DGKG: variants seen among roughly 807,000 people sequenced by gnomAD.
DGKG encodes the protein DAG kinase gamma.
In DGKG, 78 loss-of-function variants were observed where a neutral mutation model predicts 105.3. That is an observed-to-expected ratio of 0.74 (90% CI 0.62 to 0.89). The LOEUF is 0.89. Among genes scored for constraint, DGKG ranks in the 40% least tolerant of loss-of-function variants. The probability of loss-of-function intolerance (pLI) is 0.00; values close to 1 mark genes in which losing one functional copy is unlikely to be tolerated. For missense variants in DGKG, 958 were observed against 1,020.1 expected, an observed-to-expected ratio of 0.94 and a Z score of 0.83; for synonymous variants, 346 against 367.1, an observed-to-expected ratio of 0.94 and a Z score of 0.66.
intron 3 of DGKG, 110 bp from the exon 4 acceptor site, chr3:186,298,339 G>C: frequency 4.6e-5 from 48 of 1,036,140 alleles, no homozygotes; most frequent in Middle Eastern, 2.2e-4. Flanking sequence ...GGAAAGGGAG[G>C]CAGTAGGACA....
intron 19 of DGKG, among the ~76,000 whole-genome samples, chr3:186,244,969 A>C (rs868175320): frequency 1.3e-5 from 2 of 152,148 alleles, no homozygotes; most frequent in Non-Finnish European, 2.9e-5. Flanking sequence ...AAAATATTCC[A>C]TCTACTTCTA....
At chr3:186,324,192 A>T (rs888581758) in intron 1 of DGKG, among the ~76,000 whole-genome samples, 1 of 151,942 alleles carries the variant, frequency 6.6e-6, no homozygotes, top group African/African-American at 2.4e-5. Context: ...AAGAGGACGC[A>T]TAGGCACACT....
At chr3:186,211,940 A>G (rs1253116102) in intron 20 of DGKG, 55 bp from the exon 21 acceptor site, 1 of 1,412,450 alleles carries the variant, frequency 7.1e-7, no homozygotes, top group Non-Finnish European at 1.0e-6. Flanking sequence ...ATGCTCATGT[A>G]AAATAGCTAT....
At chr3:186,166,678 G>T (rs918468723) in intron 22 of DGKG, among the ~76,000 whole-genome samples, 2 of 151,942 alleles carry the variant, frequency 1.3e-5, no homozygotes, top group Non-Finnish European at 2.9e-5. Flanking sequence ...AGAAGGAGGA[G>T]GGAGAGGAAA....
intron 19 of DGKG, among the ~76,000 whole-genome samples, chr3:186,247,042 A>C (rs981982625): frequency 1.3e-5 from 2 of 152,216 alleles, no homozygotes; most frequent in Non-Finnish European, 2.9e-5. Flanking sequence ...ATTTTCTGCT[A>C]ATCTAAAAAT....
intron 21 of DGKG, among the ~76,000 whole-genome samples, chr3:186,202,297 C>T (rs1034411099): frequency 6.6e-6 from 1 of 152,198 alleles, no homozygotes; most frequent in African/African-American, 2.4e-5. Context: ...TTTAAAGATT[C>T]AGTTCTTCTA....
chr3:186,171,149 C>G (rs370942111), intron 22 of DGKG, among the ~76,000 whole-genome samples: 1 of 152,324 alleles, frequency 6.6e-6, no homozygotes. Context: ...CAACAACTGT[C>G]TCTGTACATA....
chr3:186,347,198 T>C (rs1367372412), intron 1 of DGKG, among the ~76,000 whole-genome samples: 1 of 151,902 alleles, frequency 6.6e-6, no homozygotes, highest in Non-Finnish European at 1.5e-5. Flanking sequence ...CCCGTAATCC[T>C]AGCACTTTGG....
rs10529645 is a variant in DGKG at position 186,250,557 on chromosome 3, C to CTT, written c.1761+1200_1761+1201dup. ...CAAATAGTTCAATAATTCTGTCATT[C>CTT]TTTTTTTTTTGAGACAGAGTCTCGC... On this transcript the variant is annotated intron_variant, in intron 19 of 24. Coordinates refer to ENST00000265022, the MANE Select transcript of DGKG (RefSeq NM_001346.3). Among the ~76,000 whole-genome samples, 135 of 116,150 alleles carry CTT rather than the reference C, an allele frequency of 1.2e-3. 7 individuals are homozygous for CTT. Among genetic ancestry groups the CTT allele is most frequent in the African/African-American group, 4.3e-3 (131 of 30,612 alleles). The allele number at this position is 116,150 out of a possible 152,430, so 76.2% of individuals were successfully genotyped here. A position where few individuals can be genotyped will look rare whatever the true frequency, so the allele number is the denominator to read the frequency against.
intron 2 of DGKG, among the ~76,000 whole-genome samples, chr3:186,310,168 G>A (rs1343448741): frequency 1.4e-5 from 2 of 146,860 alleles, no homozygotes; most frequent in Non-Finnish European, 3.0e-5. Flanking sequence ...TTGGGAGGCT[G>A]AGGCAGGAGA....
chr3:186,218,267 G>A (rs544416232), intron 20 of DGKG, among the ~76,000 whole-genome samples: 31 of 152,030 alleles, frequency 2.0e-4, no homozygotes, highest in Non-Finnish European at 3.7e-4. Context: ...CACTTTGGGA[G>A]GCTGAGGCGG....
At chr3:186,208,128 G>T in intron 21 of DGKG, among the ~76,000 whole-genome samples, 1 of 151,586 alleles carries the variant, frequency 6.6e-6, no homozygotes, top group African/African-American at 2.4e-5. Flanking sequence ...TGCAACCTCT[G>T]CCTCCCAGGC....
At chr3:186,193,691 G>T (rs1424240922) in intron 21 of DGKG, among the ~76,000 whole-genome samples, 4 of 152,204 alleles carry the variant, frequency 2.6e-5, no homozygotes, top group Admixed American at 6.5e-5. Context: ...CCGGGACGCT[G>T]TCGGCCTAAA....
intron 20 of DGKG, among the ~76,000 whole-genome samples, chr3:186,221,497 GGA>G (rs1399407111): frequency 6.6e-6 from 1 of 152,162 alleles, no homozygotes; most frequent in African/African-American, 2.4e-5. Flanking sequence ...GGCAGTTAAC[GGA>G]GAGCAAAGTC....
At chr3:186,174,652 CTGTGTGTGTG>C (rs67342971) in intron 22 of DGKG, among the ~76,000 whole-genome samples, 26,443 of 145,724 alleles carry the variant, frequency 0.18, 2,782 homozygotes, top group South Asian at 0.25. Flanking sequence ...TTCCCTGCGG[CTGTGTGTGTG>C]TGTGTGTGTG....
In DGKG at chr3:186,189,835, G is replaced by C. The variant is rs116699763; in HGVS notation, c.1918-1456C>G. 2.4e-3 allele frequency among the ~76,000 whole-genome samples: 366 copies of C among 152,136 alleles called. 2 individuals carry two copies. Among genetic ancestry groups the C allele is most frequent in the African/African-American group, 8.3e-3 (343 of 41,482 alleles). ...ATAATTTGAGAGGTCTCTTTATGTT[G>C]ATCTGGATTCTCTCTCACTCTTGTT... On this transcript the variant is annotated intron_variant, in intron 21 of 24. Transcript: ENST00000265022.
intron 22 of DGKG, among the ~76,000 whole-genome samples, chr3:186,182,281 C>T (rs1343223097): frequency 6.6e-6 from 1 of 152,120 alleles, no homozygotes; most frequent in Non-Finnish European, 1.5e-5. Flanking sequence ...AAATTTGGCC[C>T]CTTTCTTATA....
chr3:186,197,497 C>CGGGG, intron 21 of DGKG, among the ~76,000 whole-genome samples: 1 of 152,090 alleles, frequency 6.6e-6, no homozygotes, highest in Non-Finnish European at 1.5e-5. Flanking sequence ...CAATAAGCCA[C>CGGGG]CCTGTGCAGC....
intron 2 of DGKG, among the ~76,000 whole-genome samples, chr3:186,311,148 T>G (rs895537436): frequency 6.6e-6 from 1 of 152,150 alleles, no homozygotes; most frequent in African/African-American, 2.4e-5. Context: ...CCAGGTGAAT[T>G]AAGTCAGCAT....
Sources: gnomAD v4.1 joint callset for allele counts (sites outside exome capture counted in the v4.1 genomes callset) on GRCh38, gnomAD v4.1.1 for gene constraint, MANE v1.5 for transcripts, NCBI Gene and HGNC (gene_info 2026-07-23, HGNC 2026-07-21) for gene names.